ZNF791: variants seen among roughly 807,000 people sequenced by gnomAD.
ZNF791 encodes zinc finger protein 791.
In ZNF791, 4 loss-of-function variants were observed where a neutral mutation model predicts 11.5. The observed-to-expected ratio is 0.35, with a 90% CI of 0.17 to 0.80. ZNF791 has a LOEUF of 0.80. ZNF791 is among the 30% of genes least tolerant of loss of function. ZNF791 has a pLI of 0.53. For synonymous variants in ZNF791, 212 were observed against 228.1 expected (o/e 0.93, Z 0.64); for missense variants, 559 against 699.4 (o/e 0.80, Z 2.26).
chr19:12,633,472 G>A lies in ZNF791; in HGVS notation c.*4212G>A, dbSNP rs979977987. The A allele has an allele frequency of 6.6e-6, 1 of 152,182 alleles. No homozygotes were observed. Among genetic ancestry groups the A allele is most frequent in the Non-Finnish European group, 1.5e-5 (1 of 68,034 alleles). 9.4% of individuals were successfully genotyped at this position (152,182 alleles called of 1,614,324 possible). On this transcript the variant is annotated 3_prime_UTR_variant, in exon 4 of 4. Coordinates refer to ENST00000343325, the MANE Select transcript of ZNF791 (RefSeq NM_153358.3). ...TCAGGTATTGGAACCCCACCATACA[G>A]GGAGACAGCCTGCTTCCTGCTCATT... is the stretch of plus-strand genomic sequence containing the variant.
rs1193410804 is a variant in ZNF791 at position 12,628,934 on chromosome 19, G to A, written c.1405G>A (p.Glu469Lys). The A allele has an allele frequency of 6.2e-7, 1 of 1,613,734 alleles. No homozygotes were observed. Among genetic ancestry groups the A allele is most frequent in the Admixed American group, 1.7e-5 (1 of 59,926 alleles). ...AACTCACACTGGAGAGAAACCCTATGAATGTAAACAATGTGGAAAAGCCTT... is the reference window on the plus strand; with the variant it reads ...AACTCACACTGGAGAGAAACCCTATAAATGTAAACAATGTGGAAAAGCCTT... ...ERTHTGEKPY[E>K]CKQCGKAFSC... The change falls in exon 4 of 4, where the codon GAA becomes AAA. Residue 469 changes from glutamate (E) to lysine (K), a missense_variant. Glu to Lys is a moderately conservative substitution (Grantham distance 56, BLOSUM62 1). Coordinates refer to ENST00000343325, the MANE Select transcript of ZNF791 (RefSeq NM_153358.3).
Position 12,628,573 on chromosome 19 carries a change from AG to A in ZNF791, c.1045del (p.Val349CysfsTer49). 1 of 1,599,554 alleles carries A rather than the reference AG, an allele frequency of 6.3e-7. No individual in the cohort carries two copies. ...ARPAFRVHVR[V>X]HTGEKPYKCK... ...GCCCAGCCTTTCGAGTACACGTGAGAGTGCATACTGGAGAGAAACCCTATAA... is the reference window on the plus strand; with the variant it reads ...GCCCAGCCTTTCGAGTACACGTGAGATGCATACTGGAGAGAAACCCTATAA... On this transcript the variant is annotated frameshift_variant, in exon 4 of 4. Coordinates refer to ENST00000343325, the MANE Select transcript of ZNF791 (RefSeq NM_153358.3). LOFTEE classifies it low-confidence loss of function (END_TRUNC).
At chr19:12,623,878 G>T (rs75234874) in intron 2 of ZNF791, 52 bp downstream of exon 2, 1 of 917,952 alleles carries the variant, frequency 1.1e-6, no homozygotes, top group Non-Finnish European at 1.6e-6. Flanking sequence ...TTTGGGGGGG[G>T]ACAGAGTTTC....
At chr19:12,612,614 G>A (rs149554653) in intron 1 of ZNF791, among the ~76,000 whole-genome samples, 1 of 130,794 alleles carries the variant, frequency 7.6e-6, no homozygotes, top group African/African-American at 2.8e-5. Context: ...GCTAATTTTT[G>A]TATTTTTTTT....
rs1568291439 is a variant in ZNF791, at chr19:12,629,400, G to A, written c.*140G>A. On this transcript the variant is annotated 3_prime_UTR_variant, in exon 4 of 4. Transcript: ENST00000343325. ...CGAGATACAAGATGATTCATGTATAGTCAGGTACCACATAATCATGTTTCA... is the reference window on the plus strand; with the variant it reads ...CGAGATACAAGATGATTCATGTATAATCAGGTACCACATAATCATGTTTCA... 1.3e-5 allele frequency: 8 copies of A among 615,354 alleles called. No homozygotes were observed. Among genetic ancestry groups the A allele is most frequent in the Middle Eastern group, 4.6e-4 (1 of 2,184 alleles). The allele number at this position is 615,354 out of a possible 1,614,324, so 38.1% of individuals were successfully genotyped here.
Position 12,629,458 on chromosome 19 carries a change from A to G in ZNF791, c.*198A>G. On this transcript the variant is annotated 3_prime_UTR_variant, in exon 4 of 4. Transcript: ENST00000343325. Reference sequence around the variant, plus strand: ...ATGGACCATATAGGTTGGTAGCCCCATAAGATTATATAACACCTAAAACAT... The same window carrying G: ...ATGGACCATATAGGTTGGTAGCCCCGTAAGATTATATAACACCTAAAACAT... The G allele has an allele frequency of 2.4e-6, 1 of 424,768 alleles. No individual in the cohort carries two copies. Among genetic ancestry groups the G allele is most frequent in the African/African-American group, 2.0e-5 (1 of 49,196 alleles). 26.3% of individuals were successfully genotyped at this position (424,768 alleles called of 1,614,324 possible). A position where few individuals can be genotyped will look rare whatever the true frequency, so the allele number is the denominator to read the frequency against.
chr19:12,622,893 CAAAAAAA>C (rs34772341), intron 1 of ZNF791, among the ~76,000 whole-genome samples: 1 of 93,734 alleles, frequency 1.1e-5, no homozygotes, highest in South Asian at 3.9e-4. Context: ...GACTCCGTCT[CAAAAAAA>C]AAAAAAAAAA....
chr19:12,615,006 G>C (rs1290125915), intron 1 of ZNF791, among the ~76,000 whole-genome samples: 2 of 85,876 alleles, frequency 2.3e-5, no homozygotes, highest in Non-Finnish European at 4.4e-5. Context: ...AGTCTCCTAT[G>C]TTCAACTTTT....
intron 1 of ZNF791, among the ~76,000 whole-genome samples, chr19:12,618,849 GTATT>G (rs1416940362): frequency 2.8e-5 from 3 of 107,006 alleles, no homozygotes; most frequent in South Asian, 3.0e-4. Flanking sequence ...GTGTGTGTGT[GTATT>G]TATTTATTTT....
chr19:12,620,802 C>T (rs1027883723), intron 1 of ZNF791, among the ~76,000 whole-genome samples: 3 of 128,880 alleles, frequency 2.3e-5, no homozygotes, highest in Non-Finnish European at 3.1e-5. Flanking sequence ...GCTCTGTTGC[C>T]CAGGCTGGAC....
intron 1 of ZNF791, chr19:12,623,289 C>G (rs748493044): frequency 5.7e-5 from 10 of 176,270 alleles, no homozygotes; most frequent in Non-Finnish European, 1.2e-4. Context: ...TCCTGTAGTC[C>G]CAGCTACTCA....
chr19:12,613,453 C>T (rs932648711), intron 1 of ZNF791, among the ~76,000 whole-genome samples: 86 of 152,044 alleles, frequency 5.7e-4, no homozygotes, highest in African/African-American at 1.3e-3. Context: ...TGGAGGCGGG[C>T]GCCTGTAGTC....
chr19:12,628,255 A>G lies in ZNF791; in HGVS notation c.726A>G (p.Lys242=). ...ACGAAAGAACTCACACTGGAGAGAA[A>G]CCCTATGCATGTAAGGAATGTGGGA... The part of the protein sequence containing the change: ...RVHERTHTGE[K]PYACKECGKA... The change falls in exon 4 of 4, where the codon AAA becomes AAG. Residue 242 remains lysine, a synonymous_variant. Transcript: ENST00000343325. 2 of 1,613,810 alleles carry G rather than the reference A, an allele frequency of 1.2e-6. No individual in the cohort carries two copies. Among genetic ancestry groups the G allele is most frequent in the South Asian group, 1.1e-5 (1 of 91,004 alleles).
chr19:12,616,559 G>A (rs1195958820), intron 1 of ZNF791, among the ~76,000 whole-genome samples: 1 of 152,190 alleles, frequency 6.6e-6, no homozygotes, highest in Non-Finnish European at 1.5e-5. Context: ...CAATGTGGGT[G>A]GCACACCCCT....
intron 3 of ZNF791, among the ~76,000 whole-genome samples, chr19:12,626,062 G>A (rs2023423979): frequency 6.6e-6 from 1 of 152,146 alleles, no homozygotes; most frequent in South Asian, 2.1e-4. Flanking sequence ...CTGTCACCAG[G>A]CTAGAGTGCT....
At chr19:12,624,421 G>C (rs1010728866) in intron 2 of ZNF791, among the ~76,000 whole-genome samples, 1 of 152,014 alleles carries the variant, frequency 6.6e-6, no homozygotes, top group African/African-American at 2.4e-5. Flanking sequence ...CCAAAGTGTG[G>C]GGATTACAGG....
At position 12,632,037 on chromosome 19, in the gene ZNF791, T is replaced by G. The variant is rs1010402783; in HGVS notation, c.*2777T>G. 1 of 151,388 alleles carries G rather than the reference T, an allele frequency of 6.6e-6. No homozygotes were observed. Among genetic ancestry groups the G allele is most frequent in the Non-Finnish European group, 1.5e-5 (1 of 67,864 alleles). The allele number at this position is 151,388 out of a possible 1,614,324, so 9.4% of individuals were successfully genotyped here. A position where few individuals can be genotyped will look rare whatever the true frequency, so the allele number is the denominator to read the frequency against. On this transcript the variant is annotated 3_prime_UTR_variant, in exon 4 of 4. Transcript: ENST00000343325. ...GTTCAGCGGTGTGATCTCGGCTCAC[T>G]GCAAGCTCCGCCTCCCGGGTCCACG...
intron 1 of ZNF791, among the ~76,000 whole-genome samples, chr19:12,612,839 G>A (rs540320379): frequency 0.014 from 1,826 of 127,318 alleles, 18 homozygotes; most frequent in Non-Finnish European, 0.022. Flanking sequence ...TAAAGACCAA[G>A]TCTTGCTCTT....
In ZNF791 at chr19:12,628,549, C is replaced by G. The variant is rs1387552781; in HGVS notation, c.1020C>G (p.Arg340=). The G allele has an allele frequency of 6.2e-7, 1 of 1,602,392 alleles. No homozygotes were observed. The highest frequency in any genetic ancestry group is 2.2e-5 in the East Asian group (1 of 44,762). ...CKECGKSFSA[R]PAFRVHVRVH... ...AATGTGGGAAATCTTTCAGTGCACG[C>G]CCAGCCTTTCGAGTACACGTGAGAG... The change falls in exon 4 of 4, where the codon CGC becomes CGG. Residue 340 remains arginine (R), a synonymous_variant. Coordinates refer to ENST00000343325, the MANE Select transcript of ZNF791 (RefSeq NM_153358.3).
Sources: gnomAD v4.1 joint callset for allele counts (sites outside exome capture counted in the v4.1 genomes callset) on GRCh38, gnomAD v4.1.1 for gene constraint, MANE v1.5 for transcripts, NCBI Gene and HGNC (gene_info 2026-07-23, HGNC 2026-07-21) for gene names.